The following PTPN3 variants were observed in gnomAD, a reference collection of about 807,000 sequenced individuals.
PTPN3 encodes the protein protein tyrosine phosphatase non-receptor type 3.
A neutral mutation model predicts 132.7 loss-of-function variants in PTPN3; 96 were observed. The ratio of observed to expected loss-of-function variants is 0.72; its 90% CI spans 0.61 to 0.86. PTPN3 has a LOEUF of 0.86. Among genes scored for constraint, PTPN3 ranks in the 40% least tolerant of loss-of-function variants. The pLI is 0.00. For synonymous variants in PTPN3, 398 were observed against 429.0 expected (o/e 0.93, Z 0.89); for missense variants, 1,125 against 1,159.6 (o/e 0.97, Z 0.43).
At chr9:109,456,404 G>A (rs557784690) in intron 4 of PTPN3, among the ~76,000 whole-genome samples, 6 of 152,336 alleles carry the variant, frequency 3.9e-5, no homozygotes, top group East Asian at 1.9e-4. Context: ...AGAGAATGTC[G>A]AGGGAGCCAC....
At chr9:109,450,972 G>C in intron 5 of PTPN3, 1 of 983,816 alleles carries the variant, frequency 1.0e-6, no homozygotes, top group Non-Finnish European at 1.2e-6. Context: ...GAACTACAAA[G>C]CTGGGGTAAG....
At chr9:109,524,715 A>T in the PTPN3 span, among the ~76,000 whole-genome samples, 1 of 152,026 alleles carries the variant, frequency 6.6e-6, no homozygotes, top group South Asian at 2.1e-4. Flanking sequence ...TCCTTTTGTG[A>T]TAGCTATATA....
At chr9:109,492,291 C>A (rs1847496803) in intron 1 of PTPN3, among the ~76,000 whole-genome samples, 1 of 152,076 alleles carries the variant, frequency 6.6e-6, no homozygotes, top group Admixed American at 6.6e-5. Flanking sequence ...GCCAGGTCTC[C>A]AACCCCACTC....
At chr9:109,440,178 G>A (rs1222776595) in intron 7 of PTPN3, among the ~76,000 whole-genome samples, 2 of 152,210 alleles carry the variant, frequency 1.3e-5, no homozygotes, top group African/African-American at 4.8e-5. Context: ...TTCAGTTCTG[G>A]AAGGGGAAAA....
chr9:109,402,658 A>C (rs1394047912), intron 19 of PTPN3, among the ~76,000 whole-genome samples: 1 of 152,216 alleles, frequency 6.6e-6, no homozygotes, highest in Non-Finnish European at 1.5e-5. Flanking sequence ...CCTTTGTAGA[A>C]TACTCAGTAA....
chr9:109,412,206 CA>C (rs1842128128), intron 14 of PTPN3, among the ~76,000 whole-genome samples: 1 of 151,918 alleles, frequency 6.6e-6, no homozygotes, highest in Admixed American at 6.6e-5. Context: ...TGCACCCCCC[CA>C]ATCCATTTTT....
intron 2 of PTPN3, among the ~76,000 whole-genome samples, chr9:109,461,732 G>A (rs1195458618): frequency 6.6e-6 from 1 of 150,688 alleles, no homozygotes; most frequent in African/African-American, 2.5e-5. Flanking sequence ...ACTCCAGCCT[G>A]GGTGACAGAG....
upstream of PTPN3, among the ~76,000 whole-genome samples, chr9:109,500,818 A>G (rs1038548556): frequency 1.3e-5 from 2 of 151,210 alleles, no homozygotes; most frequent in African/African-American, 2.4e-5. Flanking sequence ...CCTCAGCTAC[A>G]TGGGAGGCTG....
intron 4 of PTPN3, 67 bp from the exon 5 acceptor site, chr9:109,454,641 T>A: frequency 7.8e-7 from 1 of 1,283,454 alleles, no homozygotes; most frequent in Non-Finnish European, 1.1e-6. Flanking sequence ...AAGTTGCTTC[T>A]CTTCCATAAG....
intron 10 of PTPN3, among the ~76,000 whole-genome samples, chr9:109,430,878 G>A (rs1843615498): frequency 6.6e-6 from 1 of 152,178 alleles, no homozygotes; most frequent in Non-Finnish European, 1.5e-5. Flanking sequence ...CACTAGCTGG[G>A]TTCTCTCTTG....
chr9:109,508,023 G>A, the PTPN3 span, among the ~76,000 whole-genome samples: 1 of 151,956 alleles, frequency 6.6e-6, no homozygotes, highest in Non-Finnish European at 1.5e-5. Context: ...TCAACCTCCC[G>A]AAACAACACA....
intron 13 of PTPN3, among the ~76,000 whole-genome samples, chr9:109,421,154 T>C (rs149475316): frequency 6.4e-4 from 98 of 152,326 alleles, no homozygotes; most frequent in African/African-American, 2.3e-3. Context: ...ATATAAACAC[T>C]GGACTGTCCT....
At chr9:109,434,191 T>C (rs990805172) in intron 9 of PTPN3, among the ~76,000 whole-genome samples, 1 of 152,278 alleles carries the variant, frequency 6.6e-6, no homozygotes, top group Non-Finnish European at 1.5e-5. Flanking sequence ...ATGCCCAGGC[T>C]GGAGTGCAGT....
intron 7 of PTPN3, among the ~76,000 whole-genome samples, chr9:109,439,003 A>G (rs12377600): frequency 0.39 from 58,954 of 152,138 alleles, 12,158 homozygotes; most frequent in African/African-American, 0.52. Context: ...GCCCCTGGGC[A>G]AAATGGTACT....
intron 14 of PTPN3, among the ~76,000 whole-genome samples, chr9:109,412,586 G>T (rs1346162931): frequency 2.0e-5 from 3 of 152,178 alleles, no homozygotes; most frequent in Non-Finnish European, 4.4e-5. Flanking sequence ...TGTTGGCCAA[G>T]ATAGTCTCGA....
intron 1 of PTPN3, among the ~76,000 whole-genome samples, chr9:109,477,339 T>C (rs894154319): frequency 3.9e-5 from 6 of 152,242 alleles, no homozygotes; most frequent in Admixed American, 3.9e-4. Context: ...TCTTGCCCCC[T>C]AATTAACTCT....
chr9:109,441,304 AG>A (rs1844449732), intron 7 of PTPN3, among the ~76,000 whole-genome samples: 7 of 152,214 alleles, frequency 4.6e-5, no homozygotes, highest in Non-Finnish European at 1.5e-5. Flanking sequence ...TTTGCAGCAA[AG>A]AGAGGGTATA....
At chr9:109,434,555 G>A (rs1267771783) in intron 9 of PTPN3, among the ~76,000 whole-genome samples, 1 of 152,164 alleles carries the variant, frequency 6.6e-6, no homozygotes, top group Non-Finnish European at 1.5e-5. Flanking sequence ...GGATCCTCCT[G>A]CCTCGGCCTC....
intron 14 of PTPN3, among the ~76,000 whole-genome samples, chr9:109,411,018 T>C (rs1479887204): frequency 2.0e-5 from 3 of 152,226 alleles, no homozygotes; most frequent in South Asian, 2.1e-4. Flanking sequence ...CTGTCTAGTA[T>C]GGTAGCCACT....
Sources: allele counts gnomAD v4.1 joint callset (sites outside exome capture counted in the v4.1 genomes callset), GRCh38; gene constraint gnomAD v4.1.1; transcripts MANE v1.5; gene names NCBI Gene and HGNC (gene_info 2026-07-23, HGNC 2026-07-21).